The following MED27 variants were observed in gnomAD, a reference collection of about 807,000 sequenced individuals.
MED27 encodes mediator complex subunit 27, also known as mediator of RNA polymerase II transcription subunit 27.
In MED27, 30 loss-of-function variants were observed where a neutral mutation model predicts 38.2. The observed-to-expected ratio is 0.79, with a 90% CI of 0.59 to 1.07. The LOEUF is 1.07. MED27 is among the 50% of genes least tolerant of loss of function. MED27 has a pLI of 0.00. For synonymous variants in MED27, 122 were observed against 153.5 expected, an observed-to-expected ratio of 0.79 and a Z score of 1.52; for missense variants, 289 against 397.5, an observed-to-expected ratio of 0.73 and a Z score of 2.32.
chr9:132,058,993 C>T (rs1833642822), intron 2 of MED27, among the ~76,000 whole-genome samples: 1 of 152,192 alleles, frequency 6.6e-6, no homozygotes, highest in Non-Finnish European at 1.5e-5. Context: ...CACCCTTCCC[C>T]ACCGTGCACA....
In MED27 at chr9:131,872,820, C is replaced by T. The variant is rs1482139947; in HGVS notation, c.724-9680G>A. On this transcript the variant is annotated intron_variant, in intron 6 of 7. Coordinates refer to ENST00000292035, the MANE Select transcript of MED27 (RefSeq NM_004269.4). The surrounding 1 kb of genome is among the most constrained non-coding windows in gnomAD (Gnocchi z 5.6). ...CAGGAACCCACCTGCTGCCCTGATGCGATGGCACCCTCAGGTGGGCCTCAG... is the reference window on the plus strand; with the variant it reads ...CAGGAACCCACCTGCTGCCCTGATGTGATGGCACCCTCAGGTGGGCCTCAG... Among the ~76,000 whole-genome samples, 1 of 152,230 alleles carries T rather than the reference C, an allele frequency of 6.6e-6. No homozygotes were observed. Among genetic ancestry groups the T allele is most frequent in the Admixed American group, 6.5e-5 (1 of 15,286 alleles).
chr9:131,902,341 GGGAAACTGGC>G (rs1196665858), intron 4 of MED27, among the ~76,000 whole-genome samples: 1 of 152,156 alleles, frequency 6.6e-6, no homozygotes, highest in Non-Finnish European at 1.5e-5. Flanking sequence ...AGGGGGATGA[GGGAAACTGGC>G]TGTTGCTTCT....
At chr9:131,989,628 G>A (rs58145347) in intron 3 of MED27, among the ~76,000 whole-genome samples, 2,890 of 152,210 alleles carry the variant, frequency 0.019, 86 homozygotes, top group African/African-American at 0.066. Context: ...TGTGAAACCA[G>A]TTGTATTATT....
At chr9:131,935,814 T>C (rs141684289) in intron 4 of MED27, among the ~76,000 whole-genome samples, 21 of 152,210 alleles carry the variant, frequency 1.4e-4, no homozygotes, top group African/African-American at 4.3e-4. Flanking sequence ...ATACATTACA[T>C]ATATTCTTTA....
At chr9:132,031,566 A>T (rs1832961058) in intron 2 of MED27, among the ~76,000 whole-genome samples, 1 of 152,126 alleles carries the variant, frequency 6.6e-6, no homozygotes, top group African/African-American at 2.4e-5. Context: ...AGCTATTCAG[A>T]GAGGTTGAAG....
chr9:132,010,470 G>A (rs574204898), intron 3 of MED27, among the ~76,000 whole-genome samples: 3 of 152,334 alleles, frequency 2.0e-5, no homozygotes, highest in East Asian at 1.9e-4. Flanking sequence ...GGAAGACAGC[G>A]TGGTGATTCC....
Position 131,860,748 on chromosome 9 carries a change from A to G in MED27, c.802-76T>C, listed in dbSNP as rs1180510033. Reference sequence around the variant, plus strand: ...CAAAGTCCTCCTTCCTATCAAGCCTAATGGCCCAGACAACTTAAGTTGGCT... The same window carrying G: ...CAAAGTCCTCCTTCCTATCAAGCCTGATGGCCCAGACAACTTAAGTTGGCT... On this transcript the variant is annotated intron_variant, in intron 7 of 7. Transcript: ENST00000292035. This position sits in a 1 kb window ranked among gnomAD's most constrained non-coding sequence, Gnocchi z 5.8. 1.3e-6 allele frequency: 2 copies of G among 1,541,186 alleles called. No individual in the cohort carries two copies. The highest frequency in any genetic ancestry group is 1.4e-5 in the African/African-American group (1 of 72,884).
At chr9:132,030,999 G>A (rs148666158) in intron 2 of MED27, among the ~76,000 whole-genome samples, 4 of 152,356 alleles carry the variant, frequency 2.6e-5, no homozygotes, top group African/African-American at 9.6e-5. Context: ...GGTTGGGAGG[G>A]TGGGAGAAGT....
At chr9:132,012,283 C>T (rs1041737245) in intron 3 of MED27, among the ~76,000 whole-genome samples, 5 of 152,206 alleles carry the variant, frequency 3.3e-5, no homozygotes, top group Non-Finnish European at 7.3e-5. Flanking sequence ...ATCACCAAAT[C>T]GACACATGAG....
At chr9:131,969,970 G>T (rs931683658) in intron 3 of MED27, among the ~76,000 whole-genome samples, 1 of 152,186 alleles carries the variant, frequency 6.6e-6, no homozygotes, top group Non-Finnish European at 1.5e-5. Context: ...GAGGGCTGGG[G>T]GGGGGTGGGG....
intron 3 of MED27, among the ~76,000 whole-genome samples, chr9:131,961,611 A>G (rs548682187): frequency 6.6e-6 from 1 of 152,304 alleles, no homozygotes; most frequent in South Asian, 2.1e-4. Context: ...ATGGCTGACC[A>G]TTGGCCTCTG....
At chr9:131,916,611 C>T (rs1213377837) in intron 4 of MED27, among the ~76,000 whole-genome samples, 1 of 152,114 alleles carries the variant, frequency 6.6e-6, no homozygotes, top group Non-Finnish European at 1.5e-5. Flanking sequence ...TCTCTTTGTC[C>T]TATAGAAATT....
At chr9:131,988,323 TA>T (rs1032408356) in intron 3 of MED27, among the ~76,000 whole-genome samples, 4 of 150,996 alleles carry the variant, frequency 2.6e-5, no homozygotes, top group South Asian at 4.2e-4. Context: ...TTTGAAAAAA[TA>T]AAAAAAAAGA....
At chr9:132,078,200 A>G (rs529583285) in intron 1 of MED27, among the ~76,000 whole-genome samples, 111 of 152,292 alleles carry the variant, frequency 7.3e-4, no homozygotes, top group Non-Finnish European at 1.4e-3. Context: ...ACAAGAGCAC[A>G]TTCCAGGAGT....
At chr9:132,078,470 G>A (rs1475577558) in intron 1 of MED27, among the ~76,000 whole-genome samples, 1 of 152,180 alleles carries the variant, frequency 6.6e-6, no homozygotes, top group Non-Finnish European at 1.5e-5. Flanking sequence ...AATAGCCAGT[G>A]CATCCCCTGA....
At chr9:132,014,968 C>T (rs910402575) in intron 2 of MED27, among the ~76,000 whole-genome samples, 3 of 151,970 alleles carry the variant, frequency 2.0e-5, no homozygotes, top group Non-Finnish European at 4.4e-5. Flanking sequence ...TAAGAAAATC[C>T]AGAGGTTTTC....
At chr9:131,926,975 T>C (rs1055625655) in intron 4 of MED27, among the ~76,000 whole-genome samples, 1 of 152,260 alleles carries the variant, frequency 6.6e-6, no homozygotes, top group African/African-American at 2.4e-5. Flanking sequence ...TGTAAATTAA[T>C]ATTTTAAATG....
chr9:131,994,258 C>T (rs919882126), intron 3 of MED27, among the ~76,000 whole-genome samples: 3 of 152,162 alleles, frequency 2.0e-5, no homozygotes, highest in African/African-American at 7.2e-5. Flanking sequence ...TAAATGAGAA[C>T]TTATTGTATT....
intron 3 of MED27, among the ~76,000 whole-genome samples, chr9:131,993,196 ATAACACCATAGTT>A (rs1832014855): frequency 6.6e-6 from 1 of 152,042 alleles, no homozygotes; most frequent in Admixed American, 6.6e-5. Flanking sequence ...TGCTGGATAA[ATAACACCATAGTT>A]TAACATCAGT....
Sources: allele counts gnomAD v4.1 joint callset (sites outside exome capture counted in the v4.1 genomes callset), GRCh38; gene constraint gnomAD v4.1.1; non-coding constraint Gnocchi (gnomAD v3.1); transcripts MANE v1.5; gene names NCBI Gene and HGNC (gene_info 2026-07-23, HGNC 2026-07-21).